The following KIF1B variants were observed in gnomAD, a reference collection of about 807,000 sequenced individuals.
The protein encoded by KIF1B is kinesin family member 1B.
In KIF1B, 76 loss-of-function variants were observed where a neutral mutation model predicts 241.9. The ratio of observed to expected loss-of-function variants is 0.31; its 90% CI spans 0.26 to 0.38. The LOEUF (loss-of-function observed/expected upper bound fraction) is 0.38, where lower values mean the gene tolerates loss of function less well. Ranked by LOEUF, KIF1B falls within the 10% of genes least tolerant of loss-of-function variation. The pLI is 1.00. For missense variants in KIF1B, 1,622 were observed against 2,271.4 expected, an observed-to-expected ratio of 0.71 and a Z score of 5.81; for synonymous variants, 750 against 796.7, an observed-to-expected ratio of 0.94 and a Z score of 0.99.
intron 33 of KIF1B, among the ~76,000 whole-genome samples, chr1:10,342,502 A>G (rs1017658897): frequency 1.3e-5 from 2 of 152,344 alleles, no homozygotes; most frequent in East Asian, 3.9e-4. Context: ...CAGAAGCTCT[A>G]AGTACAGTCA....
At chr1:10,268,106 C>A in intron 6 of KIF1B, 46 bp from the exon 7 acceptor site, 3 of 1,255,370 alleles carry the variant, frequency 2.4e-6, no homozygotes, top group South Asian at 1.2e-5. Context: ...TTTCAACTCT[C>A]ATCTAAGAAT....
At chr1:10,336,930 C>A in intron 29 of KIF1B, 144 bp from the exon 30 acceptor site, 2 of 1,171,132 alleles carry the variant, frequency 1.7e-6, no homozygotes, top group African/African-American at 1.5e-5. Context: ...ATATTTTATT[C>A]ATTGCCTTTC....
In KIF1B at chr1:10,326,131, G is replaced by C; in HGVS notation, c.2696G>C (p.Cys899Ser). 6.2e-7 allele frequency: 1 copy of C among 1,614,108 alleles called. No homozygotes were observed. The highest frequency in any genetic ancestry group is 8.5e-7 in the Non-Finnish European group (1 of 1,180,034). ...TCTAGCTCCCCCATTTTCCACGGCT[G>C]TGTGAACGAGCGCCTTGCCGACCGC... Reference protein sequence around the residue: ...LVGSSPIFHGCVNERLADRTP... With the variant: ...LVGSSPIFHGSVNERLADRTP... Residue 899 changes from cysteine (C) to serine (S), a missense_variant, in exon 27 of 49, where the codon TGT becomes TCT. Around this residue, in one of 7 missense-constraint regions of KIF1B, gnomAD observed 803 missense variants for 1,112.0 expected, o/e 0.72. Transcript: ENST00000676179. The surrounding 1 kb of genome is among the most constrained non-coding windows in gnomAD (Gnocchi z 5.2).
At chr1:10,353,153 A>T (rs760201829) in intron 38 of KIF1B, among the ~76,000 whole-genome samples, 26 of 152,150 alleles carry the variant, frequency 1.7e-4, no homozygotes, top group Non-Finnish European at 3.2e-4. Flanking sequence ...TATCATGGAA[A>T]TGTGCCCTCT....
chr1:10,329,464 G>T (rs1347190142), intron 27 of KIF1B, among the ~76,000 whole-genome samples: 1 of 152,182 alleles, frequency 6.6e-6, no homozygotes, highest in Non-Finnish European at 1.5e-5. Flanking sequence ...GCTGGGTGCG[G>T]TGGCTCACTC....
chr1:10,346,205 C>T (rs141124499), intron 35 of KIF1B, among the ~76,000 whole-genome samples: 224 of 151,956 alleles, frequency 1.5e-3, no homozygotes, highest in African/African-American at 5.1e-3. Flanking sequence ...CATGAGCCAC[C>T]ACACCTGGCC....
At chr1:10,243,951 G>T (rs1189105844) in intron 2 of KIF1B, among the ~76,000 whole-genome samples, 1 of 114,132 alleles carries the variant, frequency 8.8e-6, no homozygotes, top group Non-Finnish European at 1.9e-5. Flanking sequence ...AGGAAGAGCA[G>T]AATTGTTGAT....
intron 7 of KIF1B, 93 bp downstream of exon 7, chr1:10,268,356 G>C: frequency 1.2e-6 from 1 of 806,012 alleles, no homozygotes; most frequent in Non-Finnish European, 2.2e-6. Context: ...GGAAGGTTGG[G>C]TGTTGGGGGG....
chr1:10,277,861 G>T (rs1649198782), intron 12 of KIF1B, 125 bp from the exon 13 acceptor site: 3 of 831,212 alleles, frequency 3.6e-6, no homozygotes, highest in Non-Finnish European at 3.9e-6. Flanking sequence ...TTATACAAAT[G>T]TATTATTATC....
intron 10 of KIF1B, among the ~76,000 whole-genome samples, chr1:10,273,706 C>A (rs1348780736): frequency 1.9e-5 from 2 of 105,988 alleles, no homozygotes; most frequent in Non-Finnish European, 3.6e-5. Flanking sequence ...TCCTCCTCCT[C>A]CTCAAAAAAA....
At chr1:10,244,631 G>GCTCT (rs1647182590) in intron 2 of KIF1B, among the ~76,000 whole-genome samples, 1 of 100,280 alleles carries the variant, frequency 1.0e-5, no homozygotes, top group Admixed American at 1.1e-4. Flanking sequence ...TTTTTTTTTT[G>GCTCT]AGACGGAGTC....
In KIF1B at chr1:10,374,295, T is replaced by C. The variant is rs1557745905; in HGVS notation, c.4947-21T>C. The C allele has an allele frequency of 6.2e-7, 1 of 1,612,130 alleles. No homozygotes were observed. Among genetic ancestry groups the C allele is most frequent in the South Asian group, 1.1e-5 (1 of 91,044 alleles). ...CTGATTCTCTTGTTACCCTTTTCTT[T>C]CTAATCTCTCTATTTTAAAGGACCC... is the stretch of plus-strand genomic sequence containing the variant. On this transcript the variant is annotated intron_variant, in intron 45 of 48. Coordinates refer to ENST00000676179, the MANE Select transcript of KIF1B (RefSeq NM_001365951.3). This position sits in a 1 kb window ranked among gnomAD's most constrained non-coding sequence, Gnocchi z 4.3.
In KIF1B at chr1:10,377,636, T is replaced by C. The variant is rs189075267; in HGVS notation, c.*1049T>C. 38 of 204,784 alleles carry C rather than the reference T, an allele frequency of 1.9e-4. No individual in the cohort carries two copies. Among genetic ancestry groups the C allele is most frequent in the Admixed American group, 2.4e-4 (4 of 16,724 alleles). The allele number at this position is 204,784 out of a possible 1,614,324, so 12.7% of individuals were successfully genotyped here. On this transcript the variant is annotated 3_prime_UTR_variant, in exon 49 of 49. Coordinates refer to ENST00000676179, the MANE Select transcript of KIF1B (RefSeq NM_001365951.3). ...GTGATAAACTTGATGGTCATTGTTA[T>C]GATTAAGATAATGCCGGGCAGGCCG...
intron 1 of KIF1B, among the ~76,000 whole-genome samples, chr1:10,216,583 G>A (rs973336992): frequency 3.3e-5 from 5 of 152,120 alleles, no homozygotes; most frequent in African/African-American, 1.2e-4. Flanking sequence ...CTGGGGATTA[G>A]TGCCACAATT....
intron 22 of KIF1B, among the ~76,000 whole-genome samples, chr1:10,316,129 A>G (rs1304404625): frequency 2.0e-5 from 3 of 148,840 alleles, no homozygotes; most frequent in Non-Finnish European, 4.4e-5. Flanking sequence ...GCTACTTGGG[A>G]GGCTGAGGCA....
At chr1:10,347,712 T>A in intron 35 of KIF1B, 49 bp from the exon 36 acceptor site, 1 of 1,481,578 alleles carries the variant, frequency 6.7e-7, no homozygotes, top group Non-Finnish European at 9.4e-7. Flanking sequence ...GGCTAAGCCT[T>A]GCAGATGAAG....
At chr1:10,316,675 A>G (rs1300068232) in intron 22 of KIF1B, among the ~76,000 whole-genome samples, 2 of 151,088 alleles carry the variant, frequency 1.3e-5, no homozygotes, top group African/African-American at 2.5e-5. Flanking sequence ...TAATTTTTGT[A>G]TTCTTTTGTA....
intron 5 of KIF1B, among the ~76,000 whole-genome samples, 160 bp from the exon 6 acceptor site, chr1:10,267,220 T>C (rs962477808): frequency 7.2e-5 from 11 of 152,130 alleles, no homozygotes; most frequent in African/African-American, 2.7e-4. Context: ...GATTTCACCA[T>C]GTTGGCCAGA....
intron 27 of KIF1B, among the ~76,000 whole-genome samples, chr1:10,331,379 C>G (rs150698452): frequency 6.6e-6 from 1 of 152,158 alleles, no homozygotes; most frequent in African/African-American, 2.4e-5. Context: ...TTCATTCTTA[C>G]GTTTTTTTAC....
Sources: allele counts gnomAD v4.1 joint callset (sites outside exome capture counted in the v4.1 genomes callset), GRCh38; gene constraint gnomAD v4.1.1; regional missense constraint gnomAD v4.1.1; non-coding constraint Gnocchi (gnomAD v3.1); transcripts MANE v1.5; gene names NCBI Gene and HGNC (gene_info 2026-07-23, HGNC 2026-07-21).